Variants in RIMS1 observed in about 807,000 individuals in gnomAD.
The protein encoded by RIMS1 is regulating synaptic membrane exocytosis 1, also known as regulating synaptic membrane exocytosis protein 1.
RIMS1 carries 83 observed loss-of-function variants against 214.1 expected under a neutral mutation model. That is an observed-to-expected ratio of 0.39 (90% CI 0.32 to 0.47). RIMS1 has a LOEUF of 0.47. RIMS1 is among the 20% of genes least tolerant of loss of function. RIMS1 has a pLI of 0.99. For missense variants in RIMS1, 2,050 were observed against 2,161.8 expected (o/e 0.95, Z 1.03); for synonymous variants, 793 against 786.8 (o/e 1.01, Z -0.13).
At chr6:72,086,910 C>T (rs564007002) in intron 2 of RIMS1, among the ~76,000 whole-genome samples, 1 of 152,254 alleles carries the variant, frequency 6.6e-6, no homozygotes, top group Admixed American at 6.5e-5. Flanking sequence ...GGCAGGAAGC[C>T]TAGTTAGAAA....
intron 1 of RIMS1, among the ~76,000 whole-genome samples, chr6:71,919,016 C>G (rs1428881239): frequency 6.6e-6 from 1 of 152,070 alleles, no homozygotes; most frequent in Non-Finnish European, 1.5e-5. Flanking sequence ...AAAGGCATAC[C>G]TTAAGTTTTT....
intron 23 of RIMS1, among the ~76,000 whole-genome samples, chr6:72,275,472 AG>A (rs926366650): frequency 6.6e-6 from 1 of 152,042 alleles, no homozygotes; most frequent in African/African-American, 2.4e-5. Context: ...TGAAAGAAAA[AG>A]GAAACATTGT....
chr6:72,287,130 A>G (rs2092471225), intron 24 of RIMS1, among the ~76,000 whole-genome samples: 1 of 152,148 alleles, frequency 6.6e-6, no homozygotes, highest in South Asian at 2.1e-4. Context: ...TCCTGTAGAA[A>G]CTACACTCTA....
intron 4 of RIMS1, among the ~76,000 whole-genome samples, chr6:72,176,669 G>A (rs1186394908): frequency 2.6e-5 from 4 of 151,844 alleles, no homozygotes; most frequent in Non-Finnish European, 5.9e-5. Flanking sequence ...AAAATGTTGT[G>A]GTGTACAAGG....
At chr6:72,345,915 C>T (rs1390861604) in intron 29 of RIMS1, among the ~76,000 whole-genome samples, 1 of 151,648 alleles carries the variant, frequency 6.6e-6, no homozygotes, top group Admixed American at 6.6e-5. Flanking sequence ...AGCTTGGGAC[C>T]ATCATAGGAA....
intron 6 of RIMS1, among the ~76,000 whole-genome samples, chr6:72,191,991 C>T (rs1431581162): frequency 1.3e-5 from 2 of 152,224 alleles, no homozygotes. Flanking sequence ...GGCAGCTCTA[C>T]AGGCTTCCAT....
chr6:72,035,389 A>G (rs1316268264), intron 2 of RIMS1, among the ~76,000 whole-genome samples: 1 of 152,164 alleles, frequency 6.6e-6, no homozygotes, highest in Non-Finnish European at 1.5e-5. Flanking sequence ...TAGTAATTTT[A>G]TGGAAGACTC....
rs1316333750 is a variant in RIMS1 at position 72,043,298 on chromosome 6, TAAAGAA to T, written c.246-53649_246-53644del. Among the ~76,000 whole-genome samples the T allele has an allele frequency of 5.3e-5, 8 of 151,998 alleles. No homozygotes were observed. In the South Asian group the frequency reaches 1.5e-3, roughly 28 times the overall value. On this transcript the variant is annotated intron_variant, in intron 2 of 33. Coordinates refer to ENST00000521978, the MANE Select transcript of RIMS1 (RefSeq NM_014989.7). ...GAAATAGGAAAGAGAAAAGGTATGA[TAAAGAA>T]AGAGAAATGTTTATAGTTGTCATTT...
At chr6:71,976,335 T>G (rs1797128205) in intron 2 of RIMS1, among the ~76,000 whole-genome samples, 1 of 152,148 alleles carries the variant, frequency 6.6e-6, no homozygotes, top group African/African-American at 2.4e-5. Context: ...ATGGGCTTAT[T>G]GGCTATTTCT....
intron 9 of RIMS1, 59 bp from the exon 10 acceptor site, chr6:72,242,255 G>A: frequency 1.5e-6 from 2 of 1,291,464 alleles, no homozygotes; most frequent in Non-Finnish European, 2.1e-6. Context: ...AAAGAGAAAA[G>A]ATACGAAAAA....
At chr6:72,226,552 A>G in intron 6 of RIMS1, among the ~76,000 whole-genome samples, 1 of 152,194 alleles carries the variant, frequency 6.6e-6, no homozygotes, top group East Asian at 1.9e-4. Flanking sequence ...AGGAATATAA[A>G]CTAAAAAAAT....
chr6:71,966,143 C>T (rs1287475471), intron 1 of RIMS1, among the ~76,000 whole-genome samples: 1 of 152,192 alleles, frequency 6.6e-6, no homozygotes, highest in Non-Finnish European at 1.5e-5. Context: ...TAGAAGCCCC[C>T]GAAATTGGGT....
At chr6:72,325,107 A>G (rs1400067137) in intron 28 of RIMS1, among the ~76,000 whole-genome samples, 1 of 151,954 alleles carries the variant, frequency 6.6e-6, no homozygotes, top group Non-Finnish European at 1.5e-5. Flanking sequence ...TATTTAAAGA[A>G]TAAATACTCT....
At chr6:72,301,283 A>ATTTC (rs1186518008) in intron 26 of RIMS1, among the ~76,000 whole-genome samples, 1 of 151,746 alleles carries the variant, frequency 6.6e-6, no homozygotes. Context: ...GAACTAGGGC[A>ATTTC]TTTCTATGTA....
At chr6:72,104,895 T>C (rs1482723295) in intron 4 of RIMS1, among the ~76,000 whole-genome samples, 1 of 152,136 alleles carries the variant, frequency 6.6e-6, no homozygotes, top group Non-Finnish European at 1.5e-5. Flanking sequence ...AATAGACTCT[T>C]CATAGTTTTG....
Position 72,140,900 on chromosome 6 carries a change from TG to T in RIMS1, c.472-38671del, listed in dbSNP as rs1410333115. Among the ~76,000 whole-genome samples the T allele has an allele frequency of 5.3e-5, 8 of 152,184 alleles. No individual in the cohort carries two copies. The South Asian group carries it at 8.3e-4, about 16-fold the overall frequency. ...AAAGTACATAGTTTTCCTAAGGGTT[TG>T]GGGTTGAGAAAAGTAAGTTGGGAAC... On this transcript the variant is annotated intron_variant, in intron 4 of 33. Coordinates refer to ENST00000521978, the MANE Select transcript of RIMS1 (RefSeq NM_014989.7).
At chr6:72,070,753 C>T (rs899394215) in intron 2 of RIMS1, among the ~76,000 whole-genome samples, 5 of 152,116 alleles carry the variant, frequency 3.3e-5, no homozygotes, top group African/African-American at 7.2e-5. Context: ...GCTAAGCCCT[C>T]GTTATGAAGG....
At position 72,234,981 on chromosome 6, in the gene RIMS1, A is replaced by T. The variant is rs545884157; in HGVS notation, c.1747-637A>T. Among the ~76,000 whole-genome samples the T allele has an allele frequency of 3.9e-5, 6 of 152,212 alleles. No homozygotes were observed. In the South Asian group the frequency reaches 1.0e-3, roughly 26 times the overall value. On this transcript the variant is annotated intron_variant, in intron 7 of 33. Transcript: ENST00000521978. ...TTGTTCATCAATTCCTTAGGATTTTAAAATATTTTTAGGTTGATATTATAA... is the reference window on the plus strand; with the variant it reads ...TTGTTCATCAATTCCTTAGGATTTTTAAATATTTTTAGGTTGATATTATAA...
intron 2 of RIMS1, among the ~76,000 whole-genome samples, chr6:72,003,866 CT>C (rs142305709): frequency 0.017 from 2,598 of 150,286 alleles, 77 homozygotes; most frequent in African/African-American, 0.05. Context: ...ATTTTCCTTT[CT>C]TTTTTTTAAT....
Sources: allele counts gnomAD v4.1 joint callset (sites outside exome capture counted in the v4.1 genomes callset), GRCh38; gene constraint gnomAD v4.1.1; transcripts MANE v1.5; gene names NCBI Gene and HGNC (gene_info 2026-07-23, HGNC 2026-07-21).